Variants in FOXP1 observed in about 807,000 individuals in gnomAD.
The protein encoded by FOXP1 is forkhead box P1.
In FOXP1, 15 loss-of-function variants were observed where a neutral mutation model predicts 98.2. The ratio of observed to expected loss-of-function variants is 0.15; its 90% confidence interval spans 0.10 to 0.24. The LOEUF is 0.24. FOXP1 is among the 10% of genes least tolerant of loss of function. The pLI is 1.00. For synonymous variants in FOXP1, 371 were observed against 314.5 expected, an observed-to-expected ratio of 1.18 and a Z score of -1.90; for missense variants, 633 against 848.5, an observed-to-expected ratio of 0.75 and a Z score of 3.15.
chr3:71,394,336 A>T lies in FOXP1; in HGVS notation c.-167-35092T>A, dbSNP rs557486967. On this transcript the variant is annotated intron_variant, in intron 3 of 20. Transcript: ENST00000649528. ...AATTCAGCTATTGGACAAAAAATCTAGAAGAAAGAATTCCATAGGCAGTGG... is the reference window on the plus strand; with the variant it reads ...AATTCAGCTATTGGACAAAAAATCTTGAAGAAAGAATTCCATAGGCAGTGG... Among the ~76,000 whole-genome samples the T allele has an allele frequency of 1.5e-3, 224 of 152,356 alleles. 1 individual carries two copies. The highest frequency in any genetic ancestry group is 5.2e-3 in the African/African-American group (217 of 41,574).
chr3:71,318,901 C>A (rs2075235123), intron 4 of FOXP1, among the ~76,000 whole-genome samples: 1 of 152,184 alleles, frequency 6.6e-6, no homozygotes, highest in South Asian at 2.1e-4. Flanking sequence ...CCAAAATACA[C>A]CATAAATTAA....
chr3:70,972,483 G>T, intron 18 of FOXP1, 72 bp downstream of exon 18: 1 of 1,599,476 alleles, frequency 6.3e-7, no homozygotes, highest in Non-Finnish European at 8.6e-7. Context: ...CCATCTAGCA[G>T]CCAAAGCCTC....
At chr3:71,558,039 G>A (rs567264650) in intron 2 of FOXP1, among the ~76,000 whole-genome samples, 9 of 152,082 alleles carry the variant, frequency 5.9e-5, no homozygotes, top group South Asian at 2.1e-4. Flanking sequence ...CTGGTGACCC[G>A]CCCACCTAGG....
intron 6 of FOXP1, among the ~76,000 whole-genome samples, chr3:71,122,451 T>C (rs2058846392): frequency 6.6e-6 from 1 of 152,218 alleles, no homozygotes; most frequent in African/African-American, 2.4e-5. Flanking sequence ...ATATTCTCCA[T>C]TAATTTACAC....
chr3:70,996,495 C>T (rs559616657), intron 13 of FOXP1, among the ~76,000 whole-genome samples: 1 of 152,292 alleles, frequency 6.6e-6, no homozygotes, highest in South Asian at 2.1e-4. Flanking sequence ...CAGCCACTAT[C>T]CCCTATGGCT....
chr3:71,402,656 T>G (rs2082028612), intron 3 of FOXP1, among the ~76,000 whole-genome samples: 2 of 152,162 alleles, frequency 1.3e-5, no homozygotes, highest in African/African-American at 2.4e-5. Context: ...ACTTGTAAAC[T>G]AAATACACAC....
chr3:71,474,430 C>G (rs2089636333), intron 3 of FOXP1, among the ~76,000 whole-genome samples: 1 of 152,176 alleles, frequency 6.6e-6, no homozygotes, highest in African/African-American at 2.4e-5. Flanking sequence ...GTTCAGGGGT[C>G]CCCAGTCCCC....
At chr3:71,067,764 A>AC (rs71104409) in intron 7 of FOXP1, among the ~76,000 whole-genome samples, 4 of 140,946 alleles carry the variant, frequency 2.8e-5, no homozygotes, top group Non-Finnish European at 4.4e-5. Flanking sequence ...ACACACACAC[A>AC]ATTAGCCACG....
rs529624090 is a variant in FOXP1, at chr3:71,512,098, C to T, written c.-297-18543G>A. On this transcript the variant is annotated intron_variant, in intron 2 of 20. Transcript: ENST00000649528. ...TCTGATGTAGGAATGCATCTTTATA[C>T]GTGAGAAAACCACGGCTCAGAGATG... is the stretch of plus-strand genomic sequence containing the variant. Among the ~76,000 whole-genome samples the T allele has an allele frequency of 4.6e-5, 7 of 152,240 alleles. No individual in the cohort carries two copies. The South Asian group carries it at 8.3e-4, about 18-fold the overall frequency.
intron 6 of FOXP1, among the ~76,000 whole-genome samples, chr3:71,156,192 G>C (rs1175481490): frequency 6.6e-6 from 1 of 152,144 alleles, no homozygotes; most frequent in African/African-American, 2.4e-5. Flanking sequence ...GGGAGGGGGG[G>C]TGAAAGTTTT....
chr3:70,988,014 G>A lies in FOXP1; in HGVS notation c.1126C>T (p.Pro376Ser). 6.2e-7 allele frequency: 1 copy of A among 1,614,116 alleles called. No individual in the cohort carries two copies. The highest frequency in any genetic ancestry group is 8.5e-7 in the Non-Finnish European group (1 of 1,179,964). The change falls in exon 14 of 21, where the codon CCC becomes TCC. Residue 376 changes from proline to serine, a missense_variant. By Grantham distance (74) the Pro-to-Ser change is moderately conservative. Around this residue, in one of 6 missense-constraint regions of FOXP1, gnomAD observed 141 missense variants for 199.5 expected, o/e 0.71. Coordinates refer to ENST00000649528, the MANE Select transcript of FOXP1 (RefSeq NM_001349338.3). ...MTHLHVKSTEPKAAPQPLNLV... is the reference protein window; with the variant it reads ...MTHLHVKSTESKAAPQPLNLV... ...CTTACGGGCTGAGGGGCGGCTTTGG[G>A]TTCTGTAGACTTCACATGCAGGTGG...
intron 6 of FOXP1, among the ~76,000 whole-genome samples, chr3:71,131,179 C>T (rs1344526480): frequency 6.6e-6 from 1 of 152,066 alleles, no homozygotes; most frequent in Non-Finnish European, 1.5e-5. Context: ...GACTGGCTGT[C>T]CTTTACATTT....
rs111398981 is a variant in FOXP1 at position 71,117,694 on chromosome 3, T to C, written c.181-5057A>G. On this transcript the variant is annotated intron_variant, in intron 6 of 20. Transcript: ENST00000649528. ...ACTCAAGTTCCAGATCAATTGCTAA[T>C]GTAAATAACTTAAAAGGTCCAATCC... 5.3e-5 allele frequency among the ~76,000 whole-genome samples: 8 copies of C among 152,310 alleles called. 1 individual carries two copies. The highest frequency in any genetic ancestry group is 1.9e-4 in the African/African-American group (8 of 41,574).
chr3:71,417,857 T>C (rs138346650), intron 3 of FOXP1, among the ~76,000 whole-genome samples: 1 of 152,212 alleles, frequency 6.6e-6, no homozygotes, highest in African/African-American at 2.4e-5. Flanking sequence ...CACTTCATAT[T>C]ACAGATCGAG....
chr3:71,369,584 G>A (rs1250182380), intron 3 of FOXP1, among the ~76,000 whole-genome samples: 3 of 152,028 alleles, frequency 2.0e-5, no homozygotes, highest in Non-Finnish European at 4.4e-5. Context: ...TAGTAGAGAC[G>A]GGGTTTCACC....
intron 6 of FOXP1, among the ~76,000 whole-genome samples, chr3:71,163,194 G>C (rs141189813): frequency 2.8e-4 from 43 of 152,244 alleles, no homozygotes; most frequent in African/African-American, 1.0e-3. Flanking sequence ...CACATCCAGG[G>C]TATGTCTTTA....
chr3:71,529,673 T>C (rs1266312175), intron 2 of FOXP1, among the ~76,000 whole-genome samples: 1 of 152,146 alleles, frequency 6.6e-6, no homozygotes. Context: ...GAAGCCTCCA[T>C]AGAAACTCAG....
chr3:71,202,482 G>A (rs2063738584), intron 5 of FOXP1, among the ~76,000 whole-genome samples: 1 of 152,180 alleles, frequency 6.6e-6, no homozygotes, highest in Admixed American at 6.5e-5. Flanking sequence ...CTTTATATCT[G>A]TATCACACTT....
intron 5 of FOXP1, among the ~76,000 whole-genome samples, chr3:71,291,943 G>C (rs1483913771): frequency 1.3e-5 from 2 of 152,022 alleles, no homozygotes; most frequent in Admixed American, 1.3e-4. Flanking sequence ...TTGACCTCGT[G>C]ATCTGCCTGC....
Sources: allele counts gnomAD v4.1 joint callset (sites outside exome capture counted in the v4.1 genomes callset), GRCh38; gene constraint gnomAD v4.1.1; regional missense constraint gnomAD v4.1.1; transcripts MANE v1.5; gene names NCBI Gene and HGNC (gene_info 2026-07-23, HGNC 2026-07-21).